FAT3: variants seen among roughly 807,000 people sequenced by gnomAD.
The protein encoded by FAT3 is protocadherin Fat 3.
In FAT3, 95 loss-of-function variants were observed where a neutral mutation model predicts 310.2. The observed-to-expected ratio is 0.31, with a 90% CI of 0.26 to 0.36. FAT3 has a LOEUF of 0.36. Ranked by LOEUF, FAT3 falls within the 10% of genes least tolerant of loss-of-function variation. FAT3 has a pLI of 1.00. For synonymous variants in FAT3, 2,314 were observed against 2,192.9 expected, an observed-to-expected ratio of 1.06 and a Z score of -1.54; for missense variants, 5,408 against 5,715.6, an observed-to-expected ratio of 0.95 and a Z score of 1.74.
At chr11:92,516,264 G>T (rs567706563) in intron 2 of FAT3, among the ~76,000 whole-genome samples, 4 of 152,084 alleles carry the variant, frequency 2.6e-5, no homozygotes, top group Non-Finnish European at 5.9e-5. Context: ...ACTGAATCCA[G>T]CAGCACATCA....
At position 92,632,657 on chromosome 11, in the gene FAT3, A is replaced by C. The variant is rs79516390; in HGVS notation, c.3608-64727A>C. On this transcript the variant is annotated intron_variant, in intron 3 of 27. Coordinates refer to ENST00000525166, the MANE Select transcript of FAT3 (RefSeq NM_001367949.2). ...AAGAAGGTAAACAAGGCAAGGCAGT[A>C]CACACATTCCCACAGTGGAACTCAG... is the stretch of plus-strand genomic sequence containing the variant. Among the ~76,000 whole-genome samples, 605 of 152,352 alleles carry C rather than the reference A, an allele frequency of 4.0e-3. 3 individuals carry two copies. Among genetic ancestry groups the C allele is most frequent in the African/African-American group, 0.014 (577 of 41,588 alleles).
chr11:92,844,673 C>T lies in FAT3; in HGVS notation c.11306C>T (p.Thr3769Met), dbSNP rs1323311736. 16 of 1,596,938 alleles carry T rather than the reference C, an allele frequency of 1.0e-5. No individual in the cohort carries two copies. The highest frequency in any genetic ancestry group is 4.5e-5 in the South Asian group (4 of 88,494). ...TCCCACGCGCTCATGACCTACAGCA[C>T]GGCTCGCATCAGCTTTGTGTGTCCG... is the stretch of plus-strand genomic sequence containing the variant. ...LDSHALMTYS[T>M]ARISFVCPRF... The change falls in exon 19 of 28, where the codon ACG becomes ATG. Residue 3769 changes from threonine to methionine, a missense_variant. By Grantham distance (81) the Thr-to-Met change is moderately conservative. Coordinates refer to ENST00000525166, the MANE Select transcript of FAT3 (RefSeq NM_001367949.2).
In FAT3 at chr11:92,798,540, A is replaced by G. The variant is rs748399384; in HGVS notation, c.5527A>G (p.Thr1843Ala). 6.2e-7 allele frequency: 1 copy of G among 1,613,702 alleles called. No homozygotes were observed. The highest frequency in any genetic ancestry group is 1.7e-5 in the Admixed American group (1 of 60,010). ...AACAATTGCCAACCTGGACCATGAA[A>G]CCATTGCCCATTTCCATTTTCATGT... The part of the protein sequence containing the change: ...IRTIANLDHE[T>A]IAHFHFHVHV... Residue 1843 changes from threonine (T) to alanine (A), a missense_variant, in exon 10 of 28, where the codon ACC (threonine) becomes GCC (alanine). By Grantham distance (58) the Thr-to-Ala change is moderately conservative. This residue lies in a region of FAT3 where 4,588 missense variants were observed against 4,809.8 expected (regional missense o/e 0.95). Transcript: ENST00000525166.
intron 1 of FAT3, among the ~76,000 whole-genome samples, chr11:92,229,629 C>G (rs536535787): frequency 1.3e-5 from 2 of 149,956 alleles, no homozygotes; most frequent in South Asian, 4.2e-4. Flanking sequence ...TTATTGAGAA[C>G]ATATTTGACA....
At chr11:92,228,554 G>A (rs561071184) in intron 1 of FAT3, among the ~76,000 whole-genome samples, 8 of 152,294 alleles carry the variant, frequency 5.3e-5, no homozygotes, top group African/African-American at 1.9e-4. Flanking sequence ...GATCCTGAAT[G>A]ACCTTAGCTA....
chr11:92,535,475 A>C (rs1954224214), intron 3 of FAT3, among the ~76,000 whole-genome samples: 1 of 143,026 alleles, frequency 7.0e-6, no homozygotes, highest in South Asian at 2.4e-4. Flanking sequence ...CATGAGTGCA[A>C]TTCAGAGAAT....
chr11:92,631,247 T>C (rs2135702544), intron 3 of FAT3, among the ~76,000 whole-genome samples: 1 of 152,312 alleles, frequency 6.6e-6, no homozygotes, highest in Middle Eastern at 3.4e-3. Context: ...TATTGGTGAA[T>C]TATAGGCATT....
intron 1 of FAT3, among the ~76,000 whole-genome samples, chr11:92,334,992 G>T (rs1948023465): frequency 6.6e-6 from 1 of 152,168 alleles, no homozygotes; most frequent in South Asian, 2.1e-4. Context: ...GATGAGCTCT[G>T]CATATATTAC....
intron 4 of FAT3, among the ~76,000 whole-genome samples, chr11:92,758,953 C>T (rs1273089129): frequency 6.6e-6 from 1 of 152,070 alleles, no homozygotes; most frequent in East Asian, 1.9e-4. Context: ...GTATTGATTT[C>T]AGTTTGTGAC....
At chr11:92,847,411 G>A (rs146890605) in intron 19 of FAT3, among the ~76,000 whole-genome samples, 17 of 152,254 alleles carry the variant, frequency 1.1e-4, no homozygotes, top group Middle Eastern at 3.4e-3. Context: ...TTGTGTAAGC[G>A]CACTCTATGA....
intron 2 of FAT3, among the ~76,000 whole-genome samples, chr11:92,373,227 T>C (rs140155432): frequency 6.6e-6 from 1 of 152,188 alleles, no homozygotes; most frequent in South Asian, 2.1e-4. Flanking sequence ...GCATGCTATC[T>C]GCTAGATACT....
intron 2 of FAT3, among the ~76,000 whole-genome samples, chr11:92,471,395 T>C (rs1951898490): frequency 6.6e-6 from 1 of 152,102 alleles, no homozygotes; most frequent in African/African-American, 2.4e-5. Context: ...AAATGGCAAA[T>C]GTCTTAACTA....
chr11:92,456,687 A>G (rs997762653), intron 2 of FAT3, among the ~76,000 whole-genome samples: 1 of 152,234 alleles, frequency 6.6e-6, no homozygotes, highest in Admixed American at 6.5e-5. Context: ...ATAGAATTAT[A>G]CTATTCATAC....
intron 2 of FAT3, among the ~76,000 whole-genome samples, chr11:92,390,208 A>G (rs899574422): frequency 2.1e-4 from 32 of 152,268 alleles, no homozygotes; most frequent in African/African-American, 7.5e-4. Context: ...AGACTAAAGG[A>G]AGATCTAAAA....
chr11:92,545,181 C>T (rs1464449016), intron 3 of FAT3, among the ~76,000 whole-genome samples: 1 of 152,076 alleles, frequency 6.6e-6, no homozygotes, highest in Non-Finnish European at 1.5e-5. Flanking sequence ...TGTAACTGGT[C>T]CCCTAGTTCT....
intron 10 of FAT3, among the ~76,000 whole-genome samples, chr11:92,803,716 C>T (rs1379572082): frequency 2.0e-5 from 3 of 152,202 alleles, no homozygotes; most frequent in Non-Finnish European, 4.4e-5. Context: ...ACCATCACTT[C>T]CCTCCCACCA....
At chr11:92,328,025 C>T (rs1396391957) in intron 1 of FAT3, among the ~76,000 whole-genome samples, 4 of 152,250 alleles carry the variant, frequency 2.6e-5, no homozygotes, top group Non-Finnish European at 5.9e-5. Flanking sequence ...TGATTTTCAG[C>T]CTTGCAGACA....
At chr11:92,474,623 G>A (rs1422538477) in intron 2 of FAT3, among the ~76,000 whole-genome samples, 1 of 152,152 alleles carries the variant, frequency 6.6e-6, no homozygotes, top group Non-Finnish European at 1.5e-5. Context: ...AATGAGAACA[G>A]GAGACTCCAG....
Position 92,834,872 on chromosome 11 carries a change from G to T in FAT3, c.9874G>T (p.Gly3292Cys). Residue 3292 changes from glycine to cysteine, a missense_variant and splice_region_variant, in exon 15 of 28, where the codon GGT (glycine) becomes TGT (cysteine). By Grantham distance (159) the Gly-to-Cys change is radical. This residue lies in a region of FAT3 where 4,588 missense variants were observed against 4,809.8 expected (regional missense o/e 0.95). Coordinates refer to ENST00000525166, the MANE Select transcript of FAT3 (RefSeq NM_001367949.2). Reference sequence around the variant, plus strand: ...AAGCTCCCCATTTTTCTTCAAAGGGGGTATTTCTGTCTCTGAAGTCCTGGA... The same window carrying T: ...AAGCTCCCCATTTTTCTTCAAAGGGTGTATTTCTGTCTCTGAAGTCCTGGA... ...GKFKINPKTGGISVSEVLDYE... is the reference protein window; with the variant it reads ...GKFKINPKTGCISVSEVLDYE... 1 of 1,604,256 alleles carries T rather than the reference G, an allele frequency of 6.2e-7. No individual in the cohort carries two copies. Among genetic ancestry groups the T allele is most frequent in the Non-Finnish European group, 8.5e-7 (1 of 1,174,742 alleles).
Sources: allele counts gnomAD v4.1 joint callset (sites outside exome capture counted in the v4.1 genomes callset), GRCh38; gene constraint gnomAD v4.1.1; regional missense constraint gnomAD v4.1.1; transcripts MANE v1.5; gene names NCBI Gene and HGNC (gene_info 2026-07-23, HGNC 2026-07-21).